OR14A2: variants seen among roughly 807,000 people sequenced by gnomAD.
OR14A2 encodes the protein olfactory receptor 14A2.
For missense variants in OR14A2, 237 were observed against 152.9 expected (o/e 1.55, Z -2.90); for synonymous variants, 114 against 58.6 (o/e 1.95, Z -4.32).
Position 247,723,149 on chromosome 1 carries a change from G to A in OR14A2, c.895C>T (p.Leu299=), listed in dbSNP as rs1414804700. The change falls in exon 1 of 1, where the codon CTG becomes TTG. Residue 299 remains leucine (L), a synonymous_variant. Transcript: ENST00000366485. ...TATGTTTTCTGCAGCAACCTTATCA[G>A]AGCACATTTCATGTCATTGTTCCGC... 4 of 717,428 alleles carry A rather than the reference G, an allele frequency of 5.6e-6. No homozygotes were observed. The Admixed American group carries it at 8.0e-5, about 14-fold the overall frequency. 44.4% of individuals were successfully genotyped at this position (717,428 alleles called of 1,614,324 possible).
chr1:247,723,937 G>A lies in OR14A2; in HGVS notation c.107C>T (p.Ala36Val), dbSNP rs781516847. 15 of 716,754 alleles carry A rather than the reference G, an allele frequency of 2.1e-5. 1 individual carries two copies. In the Admixed American group the frequency reaches 2.4e-4, roughly 12 times the overall value. The allele number at this position is 716,754 out of a possible 1,614,324, so 44.4% of individuals were successfully genotyped here. The change falls in exon 1 of 1, where the codon GCC (alanine) becomes GTC (valine). Residue 36 changes from alanine (A) to valine (V), a missense_variant. By Grantham distance (64) the Ala-to-Val change is moderately conservative (BLOSUM62 0). Transcript: ENST00000366485. ...AATGATGAGAAGGTTACTCATTAGGGCTGCCAGGTAAATCAGTAGGAAGAG... is the reference window on the plus strand; with the variant it reads ...AATGATGAGAAGGTTACTCATTAGGACTGCCAGGTAAATCAGTAGGAAGAG...
exon 1 of OR14A2, chr1:247,723,851 A>C: frequency 2.8e-6 from 2 of 717,930 alleles, no homozygotes; most frequent in Non-Finnish European, 5.2e-6. Context: ...TCCAAAAAGG[A>C]TAAGTTCTTC....
the OR14A2 span, chr1:247,739,347 G>A: frequency 5.1e-6 from 4 of 780,816 alleles, no homozygotes; most frequent in Non-Finnish European, 9.6e-6. Flanking sequence ...TCACCTCATT[G>A]TTGTCACTGT....
At chr1:247,742,797 C>T in the OR14A2 span, among the ~76,000 whole-genome samples, 5 of 151,974 alleles carry the variant, frequency 3.3e-5, no homozygotes, top group Non-Finnish European at 7.4e-5. Context: ...TGGGGAAAGA[C>T]ACAAAAAGGG....
chr1:247,733,671 GAAC>G, the OR14A2 span, among the ~76,000 whole-genome samples: 2 of 151,904 alleles, frequency 1.3e-5, no homozygotes, highest in African/African-American at 4.8e-5. Context: ...AAACCAAGAA[GAAC>G]AAAAACAAAA....
chr1:247,733,197 C>T, the OR14A2 span, among the ~76,000 whole-genome samples: 1 of 152,158 alleles, frequency 6.6e-6, no homozygotes, highest in Non-Finnish European at 1.5e-5. Context: ...TTAGCTGTGA[C>T]TCTCTATATT....
chr1:247,732,807 G>A, the OR14A2 span, among the ~76,000 whole-genome samples: 1 of 152,066 alleles, frequency 6.6e-6, no homozygotes, highest in African/African-American at 2.4e-5. Flanking sequence ...GATGAATCTT[G>A]GATGCATTTT....
chr1:247,736,169 CCCTCT>C, the OR14A2 span, among the ~76,000 whole-genome samples: 203 of 147,208 alleles, frequency 1.4e-3, 1 homozygote, highest in South Asian at 0.03. Context: ...CCCTCCCCTC[CCCTCT>C]CCTCTCCTCT....
the OR14A2 span, among the ~76,000 whole-genome samples, chr1:247,729,159 A>G: frequency 6.6e-5 from 10 of 152,116 alleles, no homozygotes; most frequent in African/African-American, 2.2e-4. Flanking sequence ...TTCCCCAAAG[A>G]AAAATGTTTT....
chr1:247,723,186 T>TA lies in OR14A2; in HGVS notation c.857dup (p.Thr287AsnfsTer8), dbSNP rs1307361987. The TA allele has an allele frequency of 2.8e-6, 2 of 717,622 alleles. No homozygotes were observed. The highest frequency in any genetic ancestry group is 2.0e-5 in the Admixed American group (1 of 50,002). The allele number at this position is 717,622 out of a possible 1,614,324, so 44.5% of individuals were successfully genotyped here. Reference sequence around the variant, plus strand: ...TGTCATTGTTCCGCAGGCTGTAGGTTACAGGGTTAAATACTGGAGGCATCA... The same window carrying TA: ...TGTCATTGTTCCGCAGGCTGTAGGTTAACAGGGTTAAATACTGGAGGCATCA... On this transcript the variant is annotated frameshift_variant, in exon 1 of 1. Coordinates refer to ENST00000366485, the Ensembl canonical transcript of OR14A2. LOFTEE classifies it low-confidence loss of function (END_TRUNC).
At chr1:247,735,810 G>A in the OR14A2 span, among the ~76,000 whole-genome samples, 1 of 152,042 alleles carries the variant, frequency 6.6e-6, no homozygotes, top group South Asian at 2.1e-4. Context: ...AGCAGGAATC[G>A]GTAAGCATAT....
At chr1:247,745,414 T>G in the OR14A2 span, among the ~76,000 whole-genome samples, 1 of 142,828 alleles carries the variant, frequency 7.0e-6, no homozygotes, top group Non-Finnish European at 1.5e-5. Context: ...AGATGTCTTT[T>G]GGCTTTTTTT....
upstream of OR14A2, among the ~76,000 whole-genome samples, chr1:247,725,480 C>T (rs955300647): frequency 4.0e-5 from 6 of 150,126 alleles, no homozygotes; most frequent in African/African-American, 2.5e-5. Flanking sequence ...TTAATATCTA[C>T]AAGATTTTAT....
At chr1:247,736,186 C>T in the OR14A2 span, among the ~76,000 whole-genome samples, 1 of 151,602 alleles carries the variant, frequency 6.6e-6, no homozygotes, top group East Asian at 1.9e-4. Flanking sequence ...CTCTCCTCTC[C>T]TCTTCCCCTT....
At chr1:247,734,609 A>C in the OR14A2 span, among the ~76,000 whole-genome samples, 20,277 of 152,198 alleles carry the variant, frequency 0.13, 2,464 homozygotes, top group African/African-American at 0.33. Context: ...AATGTTGCTA[A>C]AAATACAGTG....
chr1:247,723,504 A>G lies in OR14A2; in HGVS notation c.540T>C (p.Pro180=). ...CAGAACAGGAAATCCTTAGTAATGAAGGAACATCACAGAAAAACTGTGGAA... is the reference window on the plus strand; with the variant it reads ...CAGAACAGGAAATCCTTAGTAATGAGGGAACATCACAGAAAAACTGTGGAA... Residue 180 remains proline, a synonymous_variant, in exon 1 of 1, where the codon CCT becomes CCC. Coordinates refer to ENST00000366485, the Ensembl canonical transcript of OR14A2. The G allele has an allele frequency of 5.6e-6, 4 of 717,902 alleles. No individual in the cohort carries two copies. The South Asian group carries it at 5.9e-5, about 11-fold the overall frequency. 44.5% of individuals were successfully genotyped at this position (717,902 alleles called of 1,614,324 possible).
At chr1:247,733,118 G>A in the OR14A2 span, among the ~76,000 whole-genome samples, 1 of 152,048 alleles carries the variant, frequency 6.6e-6, no homozygotes, top group South Asian at 2.1e-4. Context: ...GAGAGCATTC[G>A]GAAATTCATC....
chr1:247,738,723 G>A, the OR14A2 span: 95 of 780,818 alleles, frequency 1.2e-4, 1 homozygote, highest in Middle Eastern at 3.2e-3. Context: ...CCTCACGGCT[G>A]TGCTGATGAA....
chr1:247,745,206 CT>C, the OR14A2 span, among the ~76,000 whole-genome samples: 2 of 151,258 alleles, frequency 1.3e-5, no homozygotes, highest in African/African-American at 4.9e-5. Context: ...CCATTGTGAT[CT>C]ATAATTAGGT....
Sources: gnomAD v4.1 joint callset for allele counts (sites outside exome capture counted in the v4.1 genomes callset) on GRCh38, gnomAD v4.1.1 for gene constraint, MANE v1.5 for transcripts, NCBI Gene and HGNC (gene_info 2026-07-23, HGNC 2026-07-21) for gene names.